The following NEBL variants were observed in gnomAD, a reference collection of about 807,000 sequenced individuals.
NEBL encodes the protein LIM and SH3 protein 2.
A neutral mutation model predicts 140.2 loss-of-function variants in NEBL; 122 were observed. The observed-to-expected ratio is 0.87, with a 90% CI of 0.75 to 1.01. NEBL has a LOEUF of 1.01. Among genes scored for constraint, NEBL ranks in the 50% least tolerant of loss-of-function variants. The probability of loss-of-function intolerance (pLI) is 0.00; values close to 1 mark genes in which losing one functional copy is unlikely to be tolerated. For synonymous variants in NEBL, 436 were observed against 398.9 expected, an observed-to-expected ratio of 1.09 and a Z score of -1.11; for missense variants, 1,365 against 1,231.3, an observed-to-expected ratio of 1.11 and a Z score of -1.62.
chr10:20,906,668 T>C (rs1041747595), intron 4 of NEBL, among the ~76,000 whole-genome samples: 1 of 152,030 alleles, frequency 6.6e-6, no homozygotes, highest in Non-Finnish European at 1.5e-5. Flanking sequence ...GGTGTGTCTA[T>C]GTTCATTCAA....
intron 3 of NEBL, among the ~76,000 whole-genome samples, chr10:21,012,352 A>T (rs144217055): frequency 5.2e-4 from 79 of 151,704 alleles, no homozygotes; most frequent in African/African-American, 1.7e-3. Flanking sequence ...GTGTATATAT[A>T]TATTTATTTA....
intron 2 of NEBL, among the ~76,000 whole-genome samples, chr10:21,040,625 C>A: frequency 6.6e-6 from 1 of 152,162 alleles, no homozygotes; most frequent in East Asian, 1.9e-4. Flanking sequence ...CCCCCATGAC[C>A]CAAACACCTC....
intron 2 of NEBL, among the ~76,000 whole-genome samples, chr10:21,028,094 G>T (rs1833590136): frequency 6.6e-6 from 1 of 151,670 alleles, no homozygotes; most frequent in African/African-American, 2.4e-5. Flanking sequence ...AGGCATGATA[G>T]CACACACCTA....
intron 1 of NEBL, among the ~76,000 whole-genome samples, chr10:21,280,984 G>C (rs1842985825): frequency 6.6e-6 from 1 of 152,118 alleles, no homozygotes; most frequent in South Asian, 2.1e-4. Context: ...ATATTGTATA[G>C]GATGGTAGAG....
At chr10:20,994,676 A>G (rs1476443862) in intron 3 of NEBL, among the ~76,000 whole-genome samples, 1 of 152,138 alleles carries the variant, frequency 6.6e-6, no homozygotes, top group African/African-American at 2.4e-5. Flanking sequence ...AGCTTTACTG[A>G]TAACATAAAC....
At chr10:21,126,128 G>A (rs778697217) in intron 2 of NEBL, 11 of 1,601,998 alleles carry the variant, frequency 6.9e-6, no homozygotes, top group Admixed American at 1.7e-5. Flanking sequence ...CCAGGCCTAT[G>A]GGATAAAGTG....
intron 6 of NEBL, 69 bp from the exon 7 acceptor site, chr10:20,868,834 CAAA>C (rs5783755): frequency 3.8e-3 from 2,574 of 671,958 alleles, no homozygotes; most frequent in Middle Eastern, 5.6e-3. Context: ...TGACATTAGC[CAAA>C]AAAAAAAAAA....
At chr10:20,804,421 T>C (rs1837421817) in intron 26 of NEBL, 1 of 152,170 alleles carries the variant, frequency 6.6e-6, no homozygotes, top group Admixed American at 6.6e-5. Flanking sequence ...CCCTCATCAC[T>C]ACACAAAGGT....
intron 4 of NEBL, among the ~76,000 whole-genome samples, chr10:20,917,623 A>T (rs962727588): frequency 6.6e-6 from 1 of 152,212 alleles, no homozygotes; most frequent in African/African-American, 2.4e-5. Flanking sequence ...AAAATTAAGA[A>T]ACTTATGCAA....
At chr10:20,900,557 T>C (rs147260982), upstream of NEBL, among the ~76,000 whole-genome samples, 1,532 of 150,008 alleles carry the variant, frequency 0.01, 20 homozygotes, top group African/African-American at 0.036. Context: ...GGTGCGGTGG[T>C]TCACGCCTGT....
intron 3 of NEBL, among the ~76,000 whole-genome samples, chr10:21,180,706 A>G (rs753992001): frequency 3.3e-5 from 5 of 152,124 alleles, no homozygotes; most frequent in Non-Finnish European, 7.4e-5. Context: ...CCAGCTATCT[A>G]ATTCTGCCAA....
chr10:21,223,632 C>T (rs1335580399), intron 3 of NEBL, among the ~76,000 whole-genome samples: 2 of 152,130 alleles, frequency 1.3e-5, no homozygotes, highest in Admixed American at 1.3e-4. Flanking sequence ...CAATTGTTCT[C>T]CATAGTAGTT....
intron 5 of NEBL, among the ~76,000 whole-genome samples, chr10:20,874,795 A>G (rs1845324145): frequency 6.6e-6 from 1 of 152,124 alleles, no homozygotes; most frequent in Admixed American, 6.5e-5. Context: ...GCTGAAGTGC[A>G]GTGGCATGAT....
At chr10:20,885,156 C>T (rs1162591392) in intron 4 of NEBL, among the ~76,000 whole-genome samples, 7 of 152,134 alleles carry the variant, frequency 4.6e-5, no homozygotes, top group Non-Finnish European at 4.4e-5. Context: ...TCCAATACTC[C>T]GAGTTAGGAC....
chr10:20,880,803 G>C lies in NEBL; in HGVS notation c.471C>G (p.His157Gln), dbSNP rs754927300. The C allele has an allele frequency of 2.5e-6, 4 of 1,609,110 alleles. No individual in the cohort carries two copies. Among genetic ancestry groups the C allele is most frequent in the Admixed American group, 3.3e-5 (2 of 59,982 alleles). Residue 157 changes from histidine (H) to glutamine (Q), a missense_variant, in exon 5 of 28, where the codon CAC becomes CAG. Physicochemically the swap from His to Gln is conservative, Grantham distance 24. This residue lies in a region of NEBL where 1,323 missense variants were observed against 1,154.8 expected (regional missense o/e 1.15). Coordinates refer to ENST00000377122, the MANE Select transcript of NEBL (RefSeq NM_006393.3). Reference sequence around the variant, plus strand: ...AAATGCGCTTCCTTACATTACTCTGGTGTTTATTGACCTCCATGGCATGTT... The same window carrying C: ...AAATGCGCTTCCTTACATTACTCTGCTGTTTATTGACCTCCATGGCATGTT... ...EVKHAMEVNK[H>Q]QSNISYRKDV...
upstream of NEBL, among the ~76,000 whole-genome samples, chr10:21,179,131 AG>A (rs1841347028): frequency 6.6e-6 from 1 of 152,212 alleles, no homozygotes; most frequent in Non-Finnish European, 1.5e-5. Context: ...AAAATTAATC[AG>A]GGAAGAAGGG....
chr10:20,973,630 C>T (rs963984492), intron 3 of NEBL, among the ~76,000 whole-genome samples: 1 of 152,254 alleles, frequency 6.6e-6, no homozygotes, highest in East Asian at 1.9e-4. Context: ...TAGTAATGGT[C>T]CTGAGCCTCT....
chr10:21,287,462 G>GGAGGT (rs1268497881), intron 1 of NEBL, among the ~76,000 whole-genome samples: 1 of 152,150 alleles, frequency 6.6e-6, no homozygotes, highest in Non-Finnish European at 1.5e-5. Flanking sequence ...CCTAAGCCAG[G>GGAGGT]GAGGTGGAGG....
intron 3 of NEBL, among the ~76,000 whole-genome samples, chr10:21,219,684 G>A (rs907822651): frequency 6.6e-6 from 1 of 152,100 alleles, no homozygotes; most frequent in Non-Finnish European, 1.5e-5. Flanking sequence ...AGTAGTATAT[G>A]TATTTTGACA....
Sources: allele counts gnomAD v4.1 joint callset (sites outside exome capture counted in the v4.1 genomes callset), GRCh38; gene constraint gnomAD v4.1.1; regional missense constraint gnomAD v4.1.1; transcripts MANE v1.5; gene names NCBI Gene and HGNC (gene_info 2026-07-23, HGNC 2026-07-21).